The following PCDH11Y variants were observed in gnomAD, a reference collection of about 807,000 sequenced individuals.
PCDH11Y encodes the protein protocadherin 11 Y-linked.
For synonymous variants in PCDH11Y, 9 were observed against 83.6 expected (o/e 0.11, Z 4.87); for missense variants, 12 against 224.8 (o/e 0.05, Z 6.05).
At chrY:5,221,795 C>G in intron 2 of PCDH11Y, among the ~76,000 whole-genome samples, 1 of 30,935 alleles carries the variant, frequency 3.2e-5, no homozygotes, top group East Asian at 8.7e-4. Context: ...TTTAATTTTT[C>G]TGGCAGGGAC....
chrY:5,108,540 G>A, downstream of PCDH11Y, among the ~76,000 whole-genome samples: 1 of 31,123 alleles, frequency 3.2e-5, no homozygotes, highest in Admixed American at 3.0e-4. Flanking sequence ...GAGGTCAGGA[G>A]ATCGAGACCA....
At chrY:5,642,679 G>A in intron 4 of PCDH11Y, among the ~76,000 whole-genome samples, 1 of 33,695 alleles carries the variant, frequency 3.0e-5, no homozygotes, top group Non-Finnish European at 7.4e-5. Flanking sequence ...GATCTCAGAA[G>A]AAAACATGTT....
chrY:5,435,562 C>T (rs2053274100), intron 2 of PCDH11Y, among the ~76,000 whole-genome samples: 1 of 31,627 alleles, frequency 3.2e-5, no homozygotes, highest in African/African-American at 1.2e-4. Flanking sequence ...GTGATCCACC[C>T]GCCTCGGCCT....
intron 4 of PCDH11Y, among the ~76,000 whole-genome samples, chrY:5,736,485 A>G: frequency 3.1e-5 from 1 of 32,423 alleles, no homozygotes; most frequent in African/African-American, 1.2e-4. Context: ...CATATAATGT[A>G]TTTCTTTATA....
At chrY:5,347,382 T>C (rs2053153511) in intron 2 of PCDH11Y, among the ~76,000 whole-genome samples, 12 of 32,340 alleles carry the variant, frequency 3.7e-4, no homozygotes, top group Admixed American at 3.5e-3. Context: ...ACCTGGGAGG[T>C]GAAGGTTCCA....
intron 2 of PCDH11Y, among the ~76,000 whole-genome samples, chrY:5,165,697 T>C (rs1602878665): frequency 6.2e-5 from 2 of 32,032 alleles, no homozygotes; most frequent in Non-Finnish European, 1.5e-4. Flanking sequence ...ACAAAAACAA[T>C]AGCGCTCAAA....
chrY:5,647,632 G>A, intron 4 of PCDH11Y, among the ~76,000 whole-genome samples: 11 of 33,318 alleles, frequency 3.3e-4, no homozygotes, highest in African/African-American at 1.2e-3. Context: ...TCAGCCTCCC[G>A]AGTAGCTGGG....
chrY:5,588,720 G>T, intron 4 of PCDH11Y, among the ~76,000 whole-genome samples: 1 of 33,231 alleles, frequency 3.0e-5, no homozygotes, highest in Admixed American at 2.7e-4. Flanking sequence ...GTGCTCCATT[G>T]TATGTTATTT....
intron 1 of PCDH11Y, among the ~76,000 whole-genome samples, chrY:5,080,236 T>C: frequency 6.1e-5 from 2 of 33,028 alleles, no homozygotes; most frequent in Non-Finnish European, 1.5e-4. Flanking sequence ...GTCAAAGTCA[T>C]TCAGCAAGTC....
intron 2 of PCDH11Y, among the ~76,000 whole-genome samples, chrY:5,177,780 A>G: frequency 3.1e-4 from 10 of 32,214 alleles, no homozygotes; most frequent in Non-Finnish European, 6.8e-4. Flanking sequence ...AATGAATAAA[A>G]CCTGATATCT....
At chrY:5,024,174 A>G (rs2124620296) in intron 1 of PCDH11Y, among the ~76,000 whole-genome samples, 1 of 33,296 alleles carries the variant, frequency 3.0e-5, no homozygotes, top group South Asian at 6.5e-4. Flanking sequence ...AAATTGGTTA[A>G]ATATCAGCAA....
chrY:5,594,105 G>A, intron 4 of PCDH11Y, among the ~76,000 whole-genome samples: 1 of 32,762 alleles, frequency 3.1e-5, no homozygotes, highest in South Asian at 6.7e-4. Flanking sequence ...TCACAGCAGC[G>A]ACAGAGGCAG....
chrY:5,436,213 G>A (rs2124681193), intron 2 of PCDH11Y, among the ~76,000 whole-genome samples: 1 of 33,301 alleles, frequency 3.0e-5, no homozygotes, highest in East Asian at 7.9e-4. Flanking sequence ...AATTTACTCC[G>A]TAGTCTATTT....
intron 2 of PCDH11Y, among the ~76,000 whole-genome samples, chrY:5,295,522 A>G: frequency 1.2e-4 from 4 of 32,245 alleles, no homozygotes; most frequent in Non-Finnish European, 2.3e-4. Context: ...GACTAGAGGC[A>G]TGCACCACCA....
chrY:5,637,387 A>G, intron 4 of PCDH11Y, among the ~76,000 whole-genome samples: 1 of 33,709 alleles, frequency 3.0e-5, no homozygotes, highest in Non-Finnish European at 7.4e-5. Context: ...ATCTTGAAAA[A>G]TATCAGTAAA....
intron 2 of PCDH11Y, among the ~76,000 whole-genome samples, chrY:5,291,992 G>A: frequency 3.0e-5 from 1 of 32,845 alleles, no homozygotes; most frequent in Non-Finnish European, 7.4e-5. Context: ...ATGCTTTTTA[G>A]CATCAATTGA....
chrY:5,534,751 T>G, intron 3 of PCDH11Y, among the ~76,000 whole-genome samples: 1 of 33,513 alleles, frequency 3.0e-5, no homozygotes, highest in African/African-American at 1.2e-4. Flanking sequence ...GTAATTCTAC[T>G]TTAAGTTATT....
chrY:5,293,959 T>G, intron 2 of PCDH11Y, among the ~76,000 whole-genome samples: 1 of 32,721 alleles, frequency 3.1e-5, no homozygotes, highest in Non-Finnish European at 7.5e-5. Flanking sequence ...TCTTTATAGG[T>G]GAAATGTGTT....
chrY:5,417,916 C>A (rs2053254328), intron 2 of PCDH11Y, among the ~76,000 whole-genome samples: 2 of 33,518 alleles, frequency 6.0e-5, no homozygotes, highest in African/African-American at 2.3e-4. Flanking sequence ...CTGTTTGCCA[C>A]CTGCAATTAT....
Sources: allele counts gnomAD v4.1 joint callset (sites outside exome capture counted in the v4.1 genomes callset), GRCh38; gene constraint gnomAD v4.1.1; transcripts MANE v1.5; gene names NCBI Gene and HGNC (gene_info 2026-07-23, HGNC 2026-07-21).